POLR1A: variants seen among roughly 807,000 people sequenced by gnomAD.
The protein encoded by POLR1A is DNA-directed RNA polymerase I subunit RPA1.
POLR1A carries 84 observed loss-of-function variants against 205.3 expected under a neutral mutation model. The observed-to-expected ratio is 0.41, with a 90% CI of 0.34 to 0.49. The LOEUF is 0.49. POLR1A is among the 20% of genes least tolerant of loss of function. The pLI is 0.22. For synonymous variants in POLR1A, 799 were observed against 863.7 expected (o/e 0.93, Z 1.31); for missense variants, 1,645 against 2,204.5 (o/e 0.75, Z 5.08).
At chr2:86,042,544 C>T (rs1024683344) in intron 23 of POLR1A, among the ~76,000 whole-genome samples, 1 of 152,204 alleles carries the variant, frequency 6.6e-6, no homozygotes, top group Non-Finnish European at 1.5e-5. Flanking sequence ...CAAAGAGATC[C>T]CCTGCTTCCA....
At position 86,065,376 on chromosome 2, in the gene POLR1A, G is replaced by C. The variant is rs72934521; in HGVS notation, c.1956C>G (p.His652Gln). 3,200 of 1,614,118 alleles carry C rather than the reference G, an allele frequency of 2.0e-3. 48 individuals are homozygous for C. The African/African-American group carries it at 0.036, about 18-fold the overall frequency. The change falls in exon 14 of 34, where the codon CAC becomes CAG. Residue 652 changes from histidine to glutamine, a missense_variant. Transcript: ENST00000263857. ...GTCCTCGGTACACCAGCTCCATATA[G>C]TGCTCCCGGGTGAAAAAGCAACCCC... is the stretch of plus-strand genomic sequence containing the variant. ...TTRGCFFTRE[H>Q]YMELVYRGLT...
In POLR1A at chr2:86,022,897, T is replaced by C. The variant is rs1173729718; in HGVS notation, c.*4526A>G. Reference sequence around the variant, plus strand: ...GCCCGGCCAGAATCAATCTTTTTTTTTTTCCTAAGACGGAGTCTCACTCTG... The same window carrying C: ...GCCCGGCCAGAATCAATCTTTTTTTCTTTCCTAAGACGGAGTCTCACTCTG... On this transcript the variant is annotated 3_prime_UTR_variant, in exon 34 of 34. Coordinates refer to ENST00000263857, the MANE Select transcript of POLR1A (RefSeq NM_015425.6). 6.6e-6 allele frequency: 1 copy of C among 152,096 alleles called. No homozygotes were observed. Among genetic ancestry groups the C allele is most frequent in the Non-Finnish European group, 1.5e-5 (1 of 68,016 alleles). The allele number at this position is 152,096 out of a possible 1,614,324, so 9.4% of individuals were successfully genotyped here. A position where few individuals can be genotyped will look rare whatever the true frequency, so the allele number is the denominator to read the frequency against.
intron 2 of POLR1A, among the ~76,000 whole-genome samples, chr2:86,099,373 G>C (rs1357336505): frequency 1.4e-5 from 2 of 144,934 alleles, no homozygotes; most frequent in Non-Finnish European, 3.0e-5. Context: ...AAAAAAAAAA[G>C]ACACTTCTCT....
In POLR1A at chr2:86,027,728, C is replaced by T. The variant is rs532085300; in HGVS notation, c.5062+157G>A. Among the ~76,000 whole-genome samples the T allele has an allele frequency of 6.6e-5, 10 of 152,280 alleles. 1 individual carries two copies. Among genetic ancestry groups the T allele is most frequent in the Admixed American group, 3.3e-4 (5 of 15,296 alleles). On this transcript the variant is annotated intron_variant, in intron 33 of 33. Coordinates refer to ENST00000263857, the MANE Select transcript of POLR1A (RefSeq NM_015425.6). ...TCCTTCAAAGCGTAGAGGCAGCTGT[C>T]GTGTCTGCTGTTCAGCCCCCTCCAG...
chr2:86,033,815 C>G (rs943318771), intron 27 of POLR1A, 28 bp from the exon 28 acceptor site: 13 of 1,612,068 alleles, frequency 8.1e-6, no homozygotes, highest in Non-Finnish European at 1.1e-5. Context: ...CCAAAAAGCC[C>G]TGTGCAGTAC....
chr2:86,099,448 A>G (rs2104437215), intron 2 of POLR1A, among the ~76,000 whole-genome samples: 1 of 152,276 alleles, frequency 6.6e-6, no homozygotes, highest in South Asian at 2.1e-4. Context: ...TTAAAAAAAA[A>G]AATCCTGGAG....
chr2:86,026,423 T>C lies in POLR1A; in HGVS notation c.*1000A>G, dbSNP rs767690520. Reference sequence around the variant, plus strand: ...GAGCTGAAATAACAGTAGACAAAGATAGAAGCTAGCCTCTGGTTTTACAAA... The same window carrying C: ...GAGCTGAAATAACAGTAGACAAAGACAGAAGCTAGCCTCTGGTTTTACAAA... On this transcript the variant is annotated 3_prime_UTR_variant, in exon 34 of 34. Transcript: ENST00000263857. 3.9e-5 allele frequency: 6 copies of C among 152,240 alleles called. No individual in the cohort carries two copies. Among genetic ancestry groups the C allele is most frequent in the Non-Finnish European group, 8.8e-5 (6 of 68,042 alleles). The allele number at this position is 152,240 out of a possible 1,614,324, so 9.4% of individuals were successfully genotyped here.
Position 86,041,944 on chromosome 2 carries a change from C to A in POLR1A, c.3517G>T (p.Glu1173Ter). The A allele has an allele frequency of 6.2e-7, 1 of 1,614,232 alleles. No homozygotes were observed. Among genetic ancestry groups the A allele is most frequent in the Non-Finnish European group, 8.5e-7 (1 of 1,180,034 alleles). Residue 1173 changes from glutamate (E) to a stop codon, truncating the protein, a stop_gained, in exon 24 of 34, where the codon GAG (glutamate) becomes TAG (stop). Transcript: ENST00000263857. LOFTEE classifies it high-confidence loss of function. ...FETKVDDYSQ[E>*]WAAQTEKSYE... is the part of the protein sequence containing the mutation. ...CTCTTCTCTGTTTGAGCTGCCCACT[C>A]TTGACTGTAGTCATCAACCTTTGTT... is the stretch of plus-strand genomic sequence containing the variant.
In POLR1A at chr2:86,041,635, GC is replaced by G. The variant is rs1368932442; in HGVS notation, c.3572+253del. 3.3e-5 allele frequency among the ~76,000 whole-genome samples: 5 copies of G among 151,948 alleles called. No individual in the cohort carries two copies. The East Asian group carries it at 9.6e-4, about 29-fold the overall frequency. ...CAAACCCAAGAGAGCAGACTTTCCT[GC>G]AAGCCTCCCAGCAGACCACTATCCC... On this transcript the variant is annotated intron_variant, in intron 24 of 33. Coordinates refer to ENST00000263857, the MANE Select transcript of POLR1A (RefSeq NM_015425.6).
intron 12 of POLR1A, among the ~76,000 whole-genome samples, chr2:86,072,534 A>C (rs1429747542): frequency 6.6e-6 from 1 of 152,252 alleles, no homozygotes; most frequent in Non-Finnish European, 1.5e-5. Flanking sequence ...CCTGGAGCAC[A>C]GGGTATTCCC....
At chr2:86,102,656 G>A (rs1365175150) in intron 1 of POLR1A, among the ~76,000 whole-genome samples, 5 of 152,156 alleles carry the variant, frequency 3.3e-5, no homozygotes, top group Non-Finnish European at 7.3e-5. Context: ...GCTCTATTGG[G>A]ATGATTAGAA....
At position 86,021,058 on chromosome 2, in the gene POLR1A, T is replaced by C. The variant is rs901026248; in HGVS notation, c.*6365A>G. The C allele has an allele frequency of 5.3e-5, 8 of 152,226 alleles. No homozygotes were observed. Among genetic ancestry groups the C allele is most frequent in the Non-Finnish European group, 8.8e-5 (6 of 68,044 alleles). The allele number at this position is 152,226 out of a possible 1,614,324, so 9.4% of individuals were successfully genotyped here. On this transcript the variant is annotated 3_prime_UTR_variant, in exon 34 of 34. Transcript: ENST00000263857. ...CCCAAAACGCAGCCTCACTGCTCAA[T>C]CACATTCTTGAGGTTTGATTGGCTG... is the stretch of plus-strand genomic sequence containing the variant.
chr2:86,081,144 C>T (rs943997279), intron 8 of POLR1A, among the ~76,000 whole-genome samples, 166 bp from the exon 9 acceptor site: 2 of 152,136 alleles, frequency 1.3e-5, no homozygotes, highest in African/African-American at 4.8e-5. Context: ...GCCTGTAATC[C>T]CAGTACTTTG....
intron 1 of POLR1A, among the ~76,000 whole-genome samples, chr2:86,104,379 T>C (rs1673878415): frequency 6.6e-6 from 1 of 151,866 alleles, no homozygotes; most frequent in South Asian, 2.1e-4. Flanking sequence ...CTAGTGACTA[T>C]TTTGCACTAC....
intron 14 of POLR1A, among the ~76,000 whole-genome samples, chr2:86,063,501 A>G (rs934296277): frequency 2.0e-5 from 3 of 152,116 alleles, no homozygotes; most frequent in Non-Finnish European, 4.4e-5. Context: ...ACCTCCTAAC[A>G]CCTCATTCTG....
intron 28 of POLR1A, 56 bp from the exon 29 acceptor site, chr2:86,032,438 AATCC>A: frequency 4.0e-6 from 5 of 1,243,412 alleles, no homozygotes; most frequent in South Asian, 1.2e-5. Context: ...GTGCTCAGTG[AATCC>A]ATCCATCCAC....
At chr2:86,048,799 G>A (rs959740811) in intron 18 of POLR1A, 85 bp downstream of exon 18, 96 of 1,255,248 alleles carry the variant, frequency 7.6e-5, no homozygotes, top group Non-Finnish European at 9.8e-5. Context: ...GTGCTCTGTA[G>A]GGCCCAGGTG....
At chr2:86,095,341 T>A (rs1384355232) in intron 3 of POLR1A, among the ~76,000 whole-genome samples, 1 of 152,122 alleles carries the variant, frequency 6.6e-6, no homozygotes, top group East Asian at 1.9e-4. Context: ...GTAATGTAGA[T>A]CCTAGCCATC....
In POLR1A at chr2:86,078,208, T is replaced by C. The variant is rs2104419728; in HGVS notation, c.1163A>G (p.Tyr388Cys). 4.3e-6 allele frequency: 7 copies of C among 1,612,984 alleles called. No individual in the cohort carries two copies. The highest frequency in any genetic ancestry group is 5.9e-6 in the Non-Finnish European group (7 of 1,179,792). ...GCTCTGAAGGCGAATCCAAATGTTG[T>C]AAAGTTTGTCTATGAGGGACTGGCC... ...LPGQSLIDKL[Y>C]NIWIRLQSHV... The change falls in exon 10 of 34, where the codon TAC (tyrosine) becomes TGC (cysteine). Residue 388 changes from tyrosine to cysteine, a missense_variant. By Grantham distance (194) the Tyr-to-Cys change is radical. Coordinates refer to ENST00000263857, the MANE Select transcript of POLR1A (RefSeq NM_015425.6).
Sources: allele counts gnomAD v4.1 joint callset (sites outside exome capture counted in the v4.1 genomes callset), GRCh38; gene constraint gnomAD v4.1.1; transcripts MANE v1.5; gene names NCBI Gene and HGNC (gene_info 2026-07-23, HGNC 2026-07-21).